CLDN10: variants seen among roughly 807,000 people sequenced by gnomAD.
CLDN10 encodes claudin 10.
CLDN10 carries 15 observed loss-of-function variants against 22.9 expected under a neutral mutation model. That is an observed-to-expected ratio of 0.65 (90% confidence interval 0.44 to 1.01). The LOEUF is 1.01. CLDN10 is among the 50% of genes least tolerant of loss of function. The pLI, the probability that CLDN10 is intolerant of heterozygous loss-of-function variation, is 0.00. For missense variants in CLDN10, 247 were observed against 287.8 expected (o/e 0.86, Z 1.03); for synonymous variants, 114 against 111.4 (o/e 1.02, Z -0.15).
At chr13:95,471,535 C>A (rs1457982345) in intron 1 of CLDN10, among the ~76,000 whole-genome samples, 1 of 150,570 alleles carries the variant, frequency 6.6e-6, no homozygotes, top group Non-Finnish European at 1.5e-5. Context: ...TCACTGCAAC[C>A]TCCACCTCCA....
rs193041807 is a variant in CLDN10, at chr13:95,439,137, C to T, written c.214+5090C>T. ...AGTTGGAATGTATGCCTGTGTTAGT[C>T]CACTCAGGCTGCAATAACAAAATAC... On this transcript the variant is annotated intron_variant, in intron 1 of 4. Transcript: ENST00000376873. 3.1e-3 allele frequency among the ~76,000 whole-genome samples: 465 copies of T among 152,138 alleles called. 3 individuals carry two copies. Among genetic ancestry groups the T allele is most frequent in the African/African-American group, 0.011 (452 of 41,526 alleles).
At chr13:95,514,646 A>G (rs910203730) in intron 1 of CLDN10, among the ~76,000 whole-genome samples, 25 of 152,294 alleles carry the variant, frequency 1.6e-4, no homozygotes, top group African/African-American at 5.5e-4. Context: ...AGGTGAGAGT[A>G]GCCGATGATG....
At chr13:95,516,968 C>CTCCTTCCTTCCT (rs59808109) in intron 1 of CLDN10, among the ~76,000 whole-genome samples, 10 of 135,408 alleles carry the variant, frequency 7.4e-5, no homozygotes, top group Non-Finnish European at 3.1e-5. Context: ...AATAGATTCT[C>CTCCTTCCTTCCT]TCCTTCCTTC....
intron 1 of CLDN10, among the ~76,000 whole-genome samples, chr13:95,475,262 G>A (rs1383800074): frequency 6.6e-6 from 1 of 152,190 alleles, no homozygotes; most frequent in Middle Eastern, 3.2e-3. Context: ...ATGGGGTCAG[G>A]GGACATCCCT....
At chr13:95,452,414 G>A (rs1439831833) in intron 1 of CLDN10, among the ~76,000 whole-genome samples, 1 of 152,014 alleles carries the variant, frequency 6.6e-6, no homozygotes, top group Non-Finnish European at 1.5e-5. Flanking sequence ...CCTTCCCTGA[G>A]GACTCACCCT....
chr13:95,504,667 A>G (rs1001944556), intron 1 of CLDN10, among the ~76,000 whole-genome samples: 1 of 152,170 alleles, frequency 6.6e-6, no homozygotes, highest in African/African-American at 2.4e-5. Flanking sequence ...AGCATGAGCC[A>G]CCACGCCTGG....
chr13:95,560,425 C>A lies in CLDN10; in HGVS notation c.426C>A (p.Ile142=). The change falls in exon 3 of 5, where the codon ATC becomes ATA. Residue 142 remains isoleucine (I), a synonymous_variant. Coordinates refer to ENST00000299339, the MANE Select transcript of CLDN10 (RefSeq NM_006984.5). ...MTGCSLYANK[I]TTEFFDPLFV... is the part of the protein sequence containing the mutation. The stretch of plus-strand genomic sequence containing the variant: ...GATGTTCCCTATATGCAAACAAAAT[C>A]ACAACGGAATTCTTTGATCCTCTCT... 1.2e-6 allele frequency: 2 copies of A among 1,613,962 alleles called. No individual in the cohort carries two copies. Among genetic ancestry groups the A allele is most frequent in the Non-Finnish European group, 1.7e-6 (2 of 1,179,886 alleles).
At chr13:95,551,449 TTGA>T (rs2043565734), upstream of CLDN10, among the ~76,000 whole-genome samples, 1 of 152,166 alleles carries the variant, frequency 6.6e-6, no homozygotes, top group Non-Finnish European at 1.5e-5. Context: ...AATCTAAGTT[TTGA>T]TGATTCTATG....
At chr13:95,495,760 A>G (rs1270736003) in intron 1 of CLDN10, among the ~76,000 whole-genome samples, 25 of 129,366 alleles carry the variant, frequency 1.9e-4, no homozygotes, top group African/African-American at 5.7e-4. Context: ...AAAAAAAAAG[A>G]AAAGAAAGAA....
intron 1 of CLDN10, among the ~76,000 whole-genome samples, chr13:95,559,857 C>T (rs2043682307): frequency 6.6e-6 from 1 of 152,142 alleles, no homozygotes; most frequent in Non-Finnish European, 1.5e-5. Flanking sequence ...GTCACATAAC[C>T]TTTGTGTGCC....
At chr13:95,493,694 G>A (rs1344217532) in intron 1 of CLDN10, among the ~76,000 whole-genome samples, 2 of 151,956 alleles carry the variant, frequency 1.3e-5, no homozygotes, top group African/African-American at 2.4e-5. Context: ...CGAGTAGCTG[G>A]AATTACAGGC....
In CLDN10 at chr13:95,471,941, ATTTTTTTTT is replaced by A. The variant is rs58891166; in HGVS notation, c.214+37909_214+37917del. ...AAGGCGCATGCCACCACACTCAGCTATTTTTTTTTTTTTTTTTTTTTTTGGTAGAGATAG... is the reference window on the plus strand; with the variant it reads ...AAGGCGCATGCCACCACACTCAGCTATTTTTTTTTTTTTTGGTAGAGATAG... On this transcript the variant is annotated intron_variant, in intron 1 of 4. Transcript: ENST00000376873. Among the ~76,000 whole-genome samples, 11 of 95,816 alleles carry A rather than the reference ATTTTTTTTT, an allele frequency of 1.1e-4. 1 individual carries two copies. The highest frequency in any genetic ancestry group is 4.9e-4 in the Admixed American group (4 of 8,158). The allele number at this position is 95,816 out of a possible 152,430, so 62.9% of individuals were successfully genotyped here. A position where few individuals can be genotyped will look rare whatever the true frequency, so the allele number is the denominator to read the frequency against.
At chr13:95,460,762 C>G in intron 1 of CLDN10, among the ~76,000 whole-genome samples, 1 of 152,172 alleles carries the variant, frequency 6.6e-6, no homozygotes, top group Non-Finnish European at 1.5e-5. Flanking sequence ...ACCTGAGCCT[C>G]TCTCCTCTGG....
At chr13:95,552,557 C>A (rs1030684049), upstream of CLDN10, 25 of 259,770 alleles carry the variant, frequency 9.6e-5, no homozygotes, top group Admixed American at 3.9e-4. Context: ...CGACCGCGAG[C>A]CCTCTGAGGC....
chr13:95,536,677 C>A (rs1369928720), intron 1 of CLDN10, among the ~76,000 whole-genome samples: 3 of 152,184 alleles, frequency 2.0e-5, no homozygotes, highest in African/African-American at 4.8e-5. Context: ...GTTGCAGTTA[C>A]AAAATCTTCA....
intron 1 of CLDN10, among the ~76,000 whole-genome samples, chr13:95,524,871 T>A (rs111970987): frequency 7.9e-5 from 12 of 151,146 alleles, no homozygotes; most frequent in African/African-American, 1.9e-4. Flanking sequence ...TTTTATTTTT[T>A]TTTTTGAGAC....
At chr13:95,526,819 T>TAAATAAAC (rs869193924) in intron 1 of CLDN10, among the ~76,000 whole-genome samples, 31 of 141,634 alleles carry the variant, frequency 2.2e-4, no homozygotes, top group Admixed American at 4.2e-4. Flanking sequence ...AATAAATAAA[T>TAAATAAAC]AAACATGGCG....
intron 1 of CLDN10, among the ~76,000 whole-genome samples, chr13:95,557,418 G>A (rs1250516089): frequency 1.3e-5 from 2 of 152,146 alleles, no homozygotes; most frequent in African/African-American, 4.8e-5. Flanking sequence ...TGTGGGTGTT[G>A]TAAGGACTGG....
rs531100535 is a variant in CLDN10, at chr13:95,476,050, G to A, written c.214+42003G>A. Among the ~76,000 whole-genome samples the A allele has an allele frequency of 2.6e-5, 4 of 152,234 alleles. No homozygotes were observed. In the East Asian group the frequency reaches 7.7e-4, roughly 29 times the overall value. ...TCCTTCCGTGTGCCACTCCCCTTCT[G>A]GGCACTTGTGGTGATAGGACATATG... On this transcript the variant is annotated intron_variant, in intron 1 of 4. Transcript: ENST00000376873.
Sources: gnomAD v4.1 joint callset for allele counts (sites outside exome capture counted in the v4.1 genomes callset) on GRCh38, gnomAD v4.1.1 for gene constraint, MANE v1.5 for transcripts, NCBI Gene and HGNC (gene_info 2026-07-23, HGNC 2026-07-21) for gene names.